Variants in HDGFL2 observed in about 807,000 individuals in gnomAD.
The protein encoded by HDGFL2 is HDGF like 2, also known as hepatoma-derived growth factor-related protein 2.
HDGFL2 carries 36 observed loss-of-function variants against 77.1 expected under a neutral mutation model. That is an observed-to-expected ratio of 0.47 (90% CI 0.36 to 0.62). The LOEUF (loss-of-function observed/expected upper bound fraction) is 0.62, where lower values mean the gene tolerates loss of function less well. Among genes scored for constraint, HDGFL2 ranks in the 20% least tolerant of loss-of-function variants. The pLI, the probability that HDGFL2 is intolerant of heterozygous loss-of-function variation, is 0.00. For synonymous variants in HDGFL2, 463 were observed against 413.1 expected (o/e 1.12, Z -1.46); for missense variants, 976 against 973.4 (o/e 1.00, Z -0.04).
chr19:4,494,277 G>A lies in HDGFL2; in HGVS notation c.1026G>A (p.Leu342=). 2 of 1,452,352 alleles carry A rather than the reference G, an allele frequency of 1.4e-6. No individual in the cohort carries two copies. The highest frequency in any genetic ancestry group is 1.4e-5 in the South Asian group (1 of 70,182). The allele number at this position is 1,452,352 out of a possible 1,614,324, so 90.0% of individuals were successfully genotyped here. ...RREQEEELRR[L]REQEKEEKER... ...AGCAGGAGGAGGAGCTGCGGCGCCTGCGGGAGCAGGAGAAGGAGGAGAAGG... is the reference window on the plus strand; with the variant it reads ...AGCAGGAGGAGGAGCTGCGGCGCCTACGGGAGCAGGAGAAGGAGGAGAAGG... Residue 342 remains leucine (L), a synonymous_variant, in exon 9 of 16, where the codon CTG becomes CTA. Transcript: ENST00000616600.
In HDGFL2 at chr19:4,493,090, C is replaced by CTG. The variant is rs143683103; in HGVS notation, c.679-608_679-607dup. On this transcript the variant is annotated intron_variant, in intron 6 of 15. Coordinates refer to ENST00000616600, the MANE Select transcript of HDGFL2 (RefSeq NM_001001520.3). ...TCTGTGTGTGGTGTGTGTGTGTTAT[C>CTG]TGTGTGGTGTGTGGTGTGTGTGTTG... is the stretch of plus-strand genomic sequence containing the variant. Among the ~76,000 whole-genome samples the CTG allele has an allele frequency of 8.8e-5, 11 of 124,984 alleles. 2 individuals are homozygous for CTG. Among genetic ancestry groups the CTG allele is most frequent in the South Asian group, 5.2e-4 (2 of 3,860 alleles). 82.0% of individuals were successfully genotyped at this position (124,984 alleles called of 152,430 possible).
intron 4 of HDGFL2, 142 bp downstream of exon 4, chr19:4,489,018 A>G (rs1599712629): frequency 1.6e-6 from 1 of 632,486 alleles, no homozygotes; most frequent in Non-Finnish European, 2.6e-6. Flanking sequence ...CAGTGGCGTG[A>G]TCTCGACTCG....
intron 3 of HDGFL2, among the ~76,000 whole-genome samples, chr19:4,481,162 C>T (rs1353892528): frequency 6.9e-6 from 1 of 145,830 alleles, no homozygotes; most frequent in Non-Finnish European, 1.5e-5. Context: ...GCTGGGACTA[C>T]AGGCGTCCCC....
rs199677808 is a variant in HDGFL2 at position 4,491,606 on chromosome 19, T to C, written c.530T>C (p.Leu177Pro). 408 of 1,613,928 alleles carry C rather than the reference T, an allele frequency of 2.5e-4. No individual in the cohort carries two copies. Among genetic ancestry groups the C allele is most frequent in the Non-Finnish European group, 3.3e-4 (394 of 1,180,020 alleles). Residue 177 changes from leucine to proline, a missense_variant, in exon 5 of 16, where the codon CTG (leucine) becomes CCG (proline). Leu to Pro is a moderately conservative substitution (Grantham distance 98). Transcript: ENST00000616600. ...SKRARKASSD[L>P]DQASVSPSEE... ...CGAGCCCGAAAGGCCTCCAGCGACC[T>C]GGATCAGGCCAGCGTGTCCCCATCC...
chr19:4,488,096 G>C (rs770616936), intron 3 of HDGFL2, among the ~76,000 whole-genome samples: 1 of 151,972 alleles, frequency 6.6e-6, no homozygotes, highest in Non-Finnish European at 1.5e-5. Context: ...TCGGCCTCCT[G>C]AGTAGCTGGG....
At chr19:4,479,062 C>T (rs1239877060) in intron 3 of HDGFL2, among the ~76,000 whole-genome samples, 5 of 151,852 alleles carry the variant, frequency 3.3e-5, no homozygotes, top group Non-Finnish European at 5.9e-5. Flanking sequence ...CATGGTGGCT[C>T]ACGCCTGTAA....
chr19:4,477,260 T>C (rs1975096214), intron 3 of HDGFL2, among the ~76,000 whole-genome samples: 1 of 151,854 alleles, frequency 6.6e-6, no homozygotes, highest in African/African-American at 2.4e-5. Flanking sequence ...CAGGGATGAG[T>C]CAGGCACAGT....
In HDGFL2 at chr19:4,494,296, G is replaced by A; in HGVS notation, c.1045G>A (p.Glu349Lys). ...GCGCCTGCGGGAGCAGGAGAAGGAG[G>A]AGAAGGAGCGGAGGCGCGAGCGGGC... ...LRRLREQEKE[E>K]KERRRERADR... is the part of the protein sequence containing the mutation. The change falls in exon 9 of 16, where the codon GAG becomes AAG. Residue 349 changes from glutamate (E) to lysine (K), a missense_variant. Around this residue, in one of 5 missense-constraint regions of HDGFL2, gnomAD observed 567 missense variants for 534.7 expected, o/e 1.06. Coordinates refer to ENST00000616600, the MANE Select transcript of HDGFL2 (RefSeq NM_001001520.3). 2 of 1,445,152 alleles carry A rather than the reference G, an allele frequency of 1.4e-6. No individual in the cohort carries two copies. The highest frequency in any genetic ancestry group is 2.9e-5 in the Admixed American group (1 of 34,494). 89.5% of individuals were successfully genotyped at this position (1,445,152 alleles called of 1,614,324 possible). A position where few individuals can be genotyped will look rare whatever the true frequency, so the allele number is the denominator to read the frequency against.
rs1568221351 is a variant in HDGFL2, at chr19:4,502,148, C to CTAAT, written c.*140_*143dup. On this transcript the variant is annotated 3_prime_UTR_variant, in exon 16 of 16. Transcript: ENST00000616600. Reference sequence around the variant, plus strand: ...GTTCCCTTGGGTTTTTTTTTCCTGCCTAATTTCTGTGATTTCCAACCAACA... The same window carrying CTAAT: ...GTTCCCTTGGGTTTTTTTTTCCTGCCTAATTAATTTCTGTGATTTCCAACCAACA... The CTAAT allele has an allele frequency of 2.3e-4, 164 of 714,496 alleles. 4 individuals carry two copies. The highest frequency in any genetic ancestry group is 1.1e-3 in the African/African-American group (62 of 56,984). 44.3% of individuals were successfully genotyped at this position (714,496 alleles called of 1,614,324 possible).
In HDGFL2 at chr19:4,493,718, T is replaced by C. The variant is rs1284349896; in HGVS notation, c.694T>C (p.Ser232Pro). 6.8e-7 allele frequency: 1 copy of C among 1,477,458 alleles called. No individual in the cohort carries two copies. The highest frequency in any genetic ancestry group is 1.4e-5 in the South Asian group (1 of 73,680). 91.5% of individuals were successfully genotyped at this position (1,477,458 alleles called of 1,614,324 possible). ...GRKKKKAPSA[S>P]DSDSKADSDG... ...TTCTCCCCAGAAGGCGCCATCAGCC[T>C]CCGACTCCGACTCCAAGGCCGATTC... Residue 232 changes from serine to proline, a missense_variant, in exon 7 of 16, where the codon TCC becomes CCC. Physicochemically the swap from Ser to Pro is moderately conservative, Grantham distance 74. Around this residue, in one of 5 missense-constraint regions of HDGFL2, gnomAD observed 567 missense variants for 534.7 expected, o/e 1.06. Transcript: ENST00000616600.
intron 3 of HDGFL2, among the ~76,000 whole-genome samples, chr19:4,481,678 A>G (rs2145166497): frequency 6.7e-6 from 1 of 149,836 alleles, no homozygotes; most frequent in South Asian, 2.1e-4. Context: ...GCTGGTCTCG[A>G]ACTCTTGACC....
At chr19:4,501,344 G>A (rs1317430111) in intron 15 of HDGFL2, 27 bp downstream of exon 15, 1 of 1,564,320 alleles carries the variant, frequency 6.4e-7, no homozygotes, top group Admixed American at 1.8e-5. Context: ...GTGGGGTTTG[G>A]ACTCCTGAGC....
rs910865410 is a variant in HDGFL2 at position 4,502,087 on chromosome 19, C to CAGAG, written c.*79_*82dup. 8 of 1,037,770 alleles carry CAGAG rather than the reference C, an allele frequency of 7.7e-6. No individual in the cohort carries two copies. In the African/African-American group the frequency reaches 1.3e-4, roughly 16 times the overall value. The allele number at this position is 1,037,770 out of a possible 1,614,324, so 64.3% of individuals were successfully genotyped here. ...TTCCCCGGCTCGCAGGAGAGCAGAG[C>CAGAG]AGAGAACTGTGGGGAACGCTGTGCT... On this transcript the variant is annotated 3_prime_UTR_variant, in exon 16 of 16. Transcript: ENST00000616600.
At position 4,475,539 on chromosome 19, in the gene HDGFL2, T is replaced by C; in HGVS notation, c.244T>C (p.Trp82Arg). ...NKRKGFNEGL[W>R]EIQNNPHASY... ...GAGGAAAGGCTTCAATGAAGGGCTG[T>C]GGGAGATCCAGAACAACCCCCACGC... Residue 82 changes from tryptophan to arginine, a missense_variant, in exon 3 of 16, where the codon TGG (tryptophan) becomes CGG (arginine). By Grantham distance (101) the Trp-to-Arg change is moderately radical (BLOSUM62 -3). Transcript: ENST00000616600. 6.3e-7 allele frequency: 1 copy of C among 1,595,280 alleles called. No homozygotes were observed. Among genetic ancestry groups the C allele is most frequent in the Non-Finnish European group, 8.5e-7 (1 of 1,175,216 alleles).
At position 4,498,931 on chromosome 19, in the gene HDGFL2, C is replaced by T; in HGVS notation, c.1575+16C>T. On this transcript the variant is annotated intron_variant, in intron 13 of 15. Transcript: ENST00000616600. ...CTTGAAGAAGGTATGGCGGGGGAAT[C>T]AGAGGCGCAGGGTGCAGTCGGGGGA... 6.4e-7 allele frequency: 1 copy of T among 1,558,682 alleles called. No individual in the cohort carries two copies. The highest frequency in any genetic ancestry group is 1.1e-5 in the South Asian group (1 of 87,396).
At position 4,502,064 on chromosome 19, in the gene HDGFL2, C is replaced by A; in HGVS notation, c.*54C>A. 8.0e-7 allele frequency: 1 copy of A among 1,255,446 alleles called. No individual in the cohort carries two copies. Among genetic ancestry groups the A allele is most frequent in the Non-Finnish European group, 1.1e-6 (1 of 890,550 alleles). 77.8% of individuals were successfully genotyped at this position (1,255,446 alleles called of 1,614,324 possible). A position where few individuals can be genotyped will look rare whatever the true frequency, so the allele number is the denominator to read the frequency against. Reference sequence around the variant, plus strand: ...CCGAGCTCAGGCTGCCCCTCTCCTTCCCCGGCTCGCAGGAGAGCAGAGCAG... The same window carrying A: ...CCGAGCTCAGGCTGCCCCTCTCCTTACCCGGCTCGCAGGAGAGCAGAGCAG... On this transcript the variant is annotated 3_prime_UTR_variant, in exon 16 of 16. Transcript: ENST00000616600.
At chr19:4,487,525 G>A (rs764621680) in intron 3 of HDGFL2, among the ~76,000 whole-genome samples, 2 of 152,154 alleles carry the variant, frequency 1.3e-5, no homozygotes, top group Non-Finnish European at 2.9e-5. Flanking sequence ...GCAAAGTGCT[G>A]GGATTACAGG....
chr19:4,493,680 C>A, intron 6 of HDGFL2, 23 bp from the exon 7 acceptor site: 3 of 1,442,024 alleles, frequency 2.1e-6, no homozygotes, highest in Non-Finnish European at 1.8e-6. Flanking sequence ...CTGATGCTCA[C>A]GCCTGTCCCT....
intron 6 of HDGFL2, among the ~76,000 whole-genome samples, chr19:4,493,389 C>T (rs1042683049): frequency 4.6e-5 from 7 of 151,490 alleles, no homozygotes; most frequent in African/African-American, 1.5e-4. Context: ...TCTGATGTGG[C>T]CTCCGCACAA....
Sources: gnomAD v4.1 joint callset for allele counts (sites outside exome capture counted in the v4.1 genomes callset) on GRCh38, gnomAD v4.1.1 for gene constraint, gnomAD v4.1.1 regional missense constraint, MANE v1.5 for transcripts, NCBI Gene and HGNC (gene_info 2026-07-23, HGNC 2026-07-21) for gene names.